The following FOXN3 variants were observed in gnomAD, a reference collection of about 807,000 sequenced individuals.
The protein encoded by FOXN3 is forkhead box protein N3.
In FOXN3, 7 loss-of-function variants were observed where a neutral mutation model predicts 38.4. The observed-to-expected ratio is 0.18, with a 90% CI of 0.10 to 0.34. FOXN3 has a LOEUF of 0.34. FOXN3 is among the 10% of genes least tolerant of loss of function. FOXN3 has a pLI of 1.00. For synonymous variants in FOXN3, 230 were observed against 242.2 expected (o/e 0.95, Z 0.47); for missense variants, 456 against 613.4 (o/e 0.74, Z 2.71).
At chr14:89,597,111 A>G (rs925238354) in intron 1 of FOXN3, among the ~76,000 whole-genome samples, 1 of 152,202 alleles carries the variant, frequency 6.6e-6, no homozygotes, top group Admixed American at 6.5e-5. Context: ...TAGGCTTTAA[A>G]TATCCCTCTA....
chr14:89,248,105 T>C (rs1885349393), intron 4 of FOXN3, among the ~76,000 whole-genome samples: 1 of 152,214 alleles, frequency 6.6e-6, no homozygotes, highest in Non-Finnish European at 1.5e-5. Context: ...ACCTTCACCT[T>C]ACTTTTTTCT....
intron 4 of FOXN3, among the ~76,000 whole-genome samples, chr14:89,267,210 G>T (rs148865071): frequency 2.1e-4 from 32 of 152,314 alleles, no homozygotes; most frequent in African/African-American, 7.0e-4. Flanking sequence ...GGGTTCTCAG[G>T]GTAGACGGTA....
At position 89,295,319 on chromosome 14, in the gene FOXN3, C is replaced by T. The variant is rs1210087345; in HGVS notation, c.681-14305G>A. Among the ~76,000 whole-genome samples, 3 of 152,252 alleles carry T rather than the reference C, an allele frequency of 2.0e-5. 1 individual carries two copies. In the East Asian group the frequency reaches 5.8e-4, roughly 29 times the overall value. On this transcript the variant is annotated intron_variant, in intron 3 of 5. Coordinates refer to ENST00000557258, the MANE Select transcript of FOXN3 (RefSeq NM_005197.4). ...TCTGAATCCTTCTGGCAAATACCTT[C>T]TGTGCAGCTCATCTGGGAATTAATT...
At chr14:89,222,648 C>A (rs751172060) in intron 4 of FOXN3, among the ~76,000 whole-genome samples, 3 of 152,096 alleles carry the variant, frequency 2.0e-5, no homozygotes, top group Non-Finnish European at 4.4e-5. Context: ...GTCACCGAAA[C>A]ATCTCAGCAA....
chr14:89,603,552 G>C (rs1231148443), intron 1 of FOXN3, among the ~76,000 whole-genome samples: 1 of 152,056 alleles, frequency 6.6e-6, no homozygotes, highest in Non-Finnish European at 1.5e-5. Flanking sequence ...CATGTGTTTC[G>C]GGATATATTA....
Position 89,449,042 on chromosome 14 carries a change from T to A in FOXN3, c.-14-36552A>T, listed in dbSNP as rs184799049. 8.9e-4 allele frequency among the ~76,000 whole-genome samples: 135 copies of A among 152,314 alleles called. 3 individuals carry two copies. In the East Asian group the frequency reaches 0.02, roughly 23 times the overall value. On this transcript the variant is annotated intron_variant, in intron 1 of 6. Coordinates refer to the FOXN3 transcript ENST00000345097. ...TACCTTCTGGGTCTTCATTTCTCCA[T>A]CTTCAAAGTGGGATGATTTCTGCAT...
chr14:89,520,077 G>A (rs28733557), intron 1 of FOXN3, among the ~76,000 whole-genome samples: 4,470 of 149,650 alleles, frequency 0.03, 228 homozygotes, highest in African/African-American at 0.1. Context: ...GCAGCGGCAC[G>A]AGCGCGGATC....
chr14:89,208,116 C>T (rs1321263080), intron 4 of FOXN3, among the ~76,000 whole-genome samples: 1 of 152,176 alleles, frequency 6.6e-6, no homozygotes, highest in East Asian at 1.9e-4. Flanking sequence ...CATCACTGTA[C>T]ATAATGAGAG....
intron 1 of FOXN3, among the ~76,000 whole-genome samples, chr14:89,561,012 T>A (rs908895739): frequency 3.3e-5 from 5 of 152,214 alleles, no homozygotes; most frequent in Admixed American, 6.5e-5. Flanking sequence ...TGCCTTCCGG[T>A]GAAGCCTCAG....
intron 1 of FOXN3, among the ~76,000 whole-genome samples, chr14:89,512,970 T>C (rs1004929505): frequency 1.3e-5 from 2 of 151,738 alleles, no homozygotes; most frequent in African/African-American, 4.8e-5. Context: ...GAAACCCCTG[T>C]CTCTGCTAAA....
chr14:89,176,899 C>T (rs1383753881), intron 5 of FOXN3, among the ~76,000 whole-genome samples: 2 of 152,194 alleles, frequency 1.3e-5, no homozygotes, highest in Non-Finnish European at 2.9e-5. Context: ...ACCCCTCTTC[C>T]CCTAATTTCC....
intron 4 of FOXN3, among the ~76,000 whole-genome samples, chr14:89,227,596 A>G (rs1884681046): frequency 6.6e-6 from 1 of 152,184 alleles, no homozygotes; most frequent in Non-Finnish European, 1.5e-5. Context: ...TGATTGTGGC[A>G]GGTGAACATT....
At chr14:89,538,297 C>T (rs915503030) in intron 1 of FOXN3, among the ~76,000 whole-genome samples, 2 of 152,186 alleles carry the variant, frequency 1.3e-5, no homozygotes, top group African/African-American at 2.4e-5. Context: ...AGGAGCATAA[C>T]GTACCCAGAG....
At chr14:89,440,699 G>T (rs530670729) in intron 1 of FOXN3, among the ~76,000 whole-genome samples, 1 of 151,928 alleles carries the variant, frequency 6.6e-6, no homozygotes, top group Non-Finnish European at 1.5e-5. Flanking sequence ...ATCTCCCTTC[G>T]CTGACTCTTT....
At chr14:89,350,617 C>T in intron 3 of FOXN3, 55 bp downstream of exon 3, 1 of 1,400,696 alleles carries the variant, frequency 7.1e-7, no homozygotes, top group Admixed American at 2.9e-5. Flanking sequence ...GCGCAGGTCT[C>T]TGCCAAAATA....
intron 3 of FOXN3, among the ~76,000 whole-genome samples, chr14:89,338,520 G>A (rs1888528160): frequency 6.6e-6 from 1 of 152,106 alleles, no homozygotes. Flanking sequence ...CCGGCTGGGC[G>A]CGGTGGCTCA....
intron 4 of FOXN3, among the ~76,000 whole-genome samples, chr14:89,197,037 G>C (rs78719416): frequency 0.015 from 2,310 of 152,300 alleles, 66 homozygotes; most frequent in African/African-American, 0.053. Flanking sequence ...GAAATCATGT[G>C]ATTTTCCACA....
At chr14:89,611,630 C>A (rs1351840449) in intron 1 of FOXN3, among the ~76,000 whole-genome samples, 2 of 152,016 alleles carry the variant, frequency 1.3e-5, no homozygotes, top group Non-Finnish European at 2.9e-5. Context: ...CACGGTGAAA[C>A]CCCGTCTCTA....
rs1354797056 is a variant in FOXN3 at position 89,180,742 on chromosome 14, C to T, written c.810G>A (p.Arg270=). Residue 270 remains arginine (R), a synonymous_variant, in exon 5 of 6, where the codon CGG becomes CGA. Coordinates refer to ENST00000557258, the MANE Select transcript of FOXN3 (RefSeq NM_005197.4). ...VLSRGLFPGV[R]PLPITPIGVT... is the part of the protein sequence containing the mutation. ...CCCCAATGGGAGTGATTGGCAGCGG[C>T]CGCACGCCAGGAAACAGCCCTCGGC... The T allele has an allele frequency of 1.9e-6, 3 of 1,612,156 alleles. No individual in the cohort carries two copies. Among genetic ancestry groups the T allele is most frequent in the Non-Finnish European group, 2.5e-6 (3 of 1,179,294 alleles).
Sources: gnomAD v4.1 joint callset for allele counts (sites outside exome capture counted in the v4.1 genomes callset) on GRCh38, gnomAD v4.1.1 for gene constraint, MANE v1.5 for transcripts, NCBI Gene and HGNC (gene_info 2026-07-23, HGNC 2026-07-21) for gene names.